The following LMTK2 variants were observed in gnomAD, a reference collection of about 807,000 sequenced individuals.
LMTK2 encodes serine/threonine-protein kinase LMTK2.
Under a neutral mutation model 127.5 loss-of-function variants are expected in LMTK2, and 37 were observed. The ratio of observed to expected loss-of-function variants is 0.29; its 90% CI spans 0.22 to 0.38. The LOEUF (loss-of-function observed/expected upper bound fraction) is 0.38. LMTK2 is among the 10% of genes least tolerant of loss of function. LMTK2 has a pLI of 1.00. For missense variants in LMTK2, 1,694 were observed against 1,920.3 expected (o/e 0.88, Z 2.20); for synonymous variants, 819 against 810.1 (o/e 1.01, Z -0.19).
In LMTK2 at chr7:98,137,414, G is replaced by A; in HGVS notation, c.203G>A (p.Cys68Tyr). 1 of 1,613,604 alleles carries A rather than the reference G, an allele frequency of 6.2e-7. No individual in the cohort carries two copies. The highest frequency in any genetic ancestry group is 8.5e-7 in the Non-Finnish European group (1 of 1,179,724). The part of the protein sequence containing the change: ...LIVLIANCVS[C>Y]CKDPEIDFKE... ...GTGTTAATTGCAAACTGTGTATCCT[G>A]CTGTAAGGACCCAGAAATAGACTTT... Residue 68 changes from cysteine (C) to tyrosine (Y), a missense_variant, in exon 2 of 14, where the codon TGC becomes TAC. By Grantham distance (194) the Cys-to-Tyr change is radical (BLOSUM62 -2). Transcript: ENST00000297293.
rs1462787056 is a variant in LMTK2 at position 98,140,163 on chromosome 7, T to G, written c.232-1234T>G. ...CTTTCTTTTCTTTTCTTTTCTTTTC[T>G]TTTCTTTTCTTTCTTTTCTTTCTTC... On this transcript the variant is annotated intron_variant, in intron 2 of 13. Coordinates refer to ENST00000297293, the MANE Select transcript of LMTK2 (RefSeq NM_014916.4). Among the ~76,000 whole-genome samples, 68 of 7,874 alleles carry G rather than the reference T, an allele frequency of 8.6e-3. 22 individuals carry two copies. The highest frequency in any genetic ancestry group is 0.03 in the African/African-American group (63 of 2,130). The allele number at this position is 7,874 out of a possible 152,430, so 5.2% of individuals were successfully genotyped here. A position where few individuals can be genotyped will look rare whatever the true frequency, so the allele number is the denominator to read the frequency against.
chr7:98,144,810 T>TC (rs987326251), intron 3 of LMTK2, among the ~76,000 whole-genome samples: 1 of 152,072 alleles, frequency 6.6e-6, no homozygotes, highest in Non-Finnish European at 1.5e-5. Flanking sequence ...TGCTTTTTTT[T>TC]CACTTACCAA....
chr7:98,112,388 G>A (rs1164989832), intron 1 of LMTK2, among the ~76,000 whole-genome samples: 2 of 152,208 alleles, frequency 1.3e-5, no homozygotes, highest in African/African-American at 4.8e-5. Flanking sequence ...GTAAAACGGA[G>A]AGAATAGTTA....
chr7:98,128,007 G>A (rs112191189), intron 1 of LMTK2, among the ~76,000 whole-genome samples: 16 of 152,084 alleles, frequency 1.1e-4, no homozygotes, highest in African/African-American at 2.2e-4. Context: ...AGCTGGGTGC[G>A]GTAGCAGGTG....
Position 98,186,986 on chromosome 7 carries a change from A to G in LMTK2, c.986A>G (p.Tyr329Cys), listed in dbSNP as rs986239697. The part of the protein sequence containing the change: ...DRLLTADQTK[Y>C]SNIWSLGVTL... Reference sequence around the variant, plus strand: ...CTGCTAACTGCAGATCAGACTAAGTATAGTAATATCTGGTACGTATTGGCT... The same window carrying G: ...CTGCTAACTGCAGATCAGACTAAGTGTAGTAATATCTGGTACGTATTGGCT... Residue 329 changes from tyrosine to cysteine, a missense_variant, in exon 9 of 14, where the codon TAT becomes TGT. Physicochemically the swap from Tyr to Cys is radical, Grantham distance 194. Coordinates refer to ENST00000297293, the MANE Select transcript of LMTK2 (RefSeq NM_014916.4). 6 of 1,612,952 alleles carry G rather than the reference A, an allele frequency of 3.7e-6. No individual in the cohort carries two copies. In the Admixed American group the frequency reaches 6.7e-5, roughly 18 times the overall value.
At chr7:98,199,239 A>G (rs1200397670) in intron 11 of LMTK2, among the ~76,000 whole-genome samples, 3 of 152,082 alleles carry the variant, frequency 2.0e-5, no homozygotes, top group Non-Finnish European at 4.4e-5. Flanking sequence ...TGTTGATGGT[A>G]TTAGTTCTTC....
Position 98,205,611 on chromosome 7 carries a change from A to C in LMTK2, c.*119A>C, listed in dbSNP as rs1797780673. 4.5e-6 allele frequency: 5 copies of C among 1,115,254 alleles called. No individual in the cohort carries two copies. The South Asian group carries it at 6.5e-5, about 15-fold the overall frequency. 69.1% of individuals were successfully genotyped at this position (1,115,254 alleles called of 1,614,324 possible). The stretch of plus-strand genomic sequence containing the variant: ...TGCTGACATGAGATTGGGAGGAAGA[A>C]TCCAGAGGTGAAGAGGGAGACGGCT... On this transcript the variant is annotated 3_prime_UTR_variant, in exon 14 of 14. Transcript: ENST00000297293.
Position 98,141,395 on chromosome 7 carries a change from A to G in LMTK2, c.232-2A>G. On this transcript the variant is annotated splice_acceptor_variant, in intron 2 of 13. Transcript: ENST00000297293. LOFTEE classifies it high-confidence loss of function. Reference sequence around the variant, plus strand: ...TTTAATGCTTGCTCTCTTTCATTTTAGGAATTTGAAGATAATTTTGATGAT... The same window carrying G: ...TTTAATGCTTGCTCTCTTTCATTTTGGGAATTTGAAGATAATTTTGATGAT... The G allele has an allele frequency of 6.2e-7, 1 of 1,612,786 alleles. No individual in the cohort carries two copies. The highest frequency in any genetic ancestry group is 2.2e-5 in the East Asian group (1 of 44,860).
At position 98,207,047 on chromosome 7, in the gene LMTK2, C is replaced by G. The variant is rs59826024; in HGVS notation, c.*1555C>G. 8,570 of 152,218 alleles carry G rather than the reference C, an allele frequency of 0.056. 601 individuals are homozygous for G. The highest frequency in any genetic ancestry group is 0.33 in the East Asian group (1,703 of 5,130). The allele number at this position is 152,218 out of a possible 1,614,324, so 9.4% of individuals were successfully genotyped here. ...ACGAGCCCCTGTGGTCATGGGCGAC[C>G]TCACACCTCCCTCCCTGAGTTCTGC... On this transcript the variant is annotated 3_prime_UTR_variant, in exon 14 of 14. Transcript: ENST00000297293.
In LMTK2 at chr7:98,204,182, G is replaced by C; in HGVS notation, c.4479G>C (p.Gln1493His). Residue 1493 changes from glutamine (Q) to histidine (H), a missense_variant, in exon 13 of 14, where the codon CAG becomes CAC. Physicochemically the swap from Gln to His is conservative, Grantham distance 24. This residue lies in a region of LMTK2 where 554 missense variants were observed against 567.7 expected (regional missense o/e 0.98). Coordinates refer to ENST00000297293, the MANE Select transcript of LMTK2 (RefSeq NM_014916.4). ...ACCTGACCGACTCGGACATCGAGCAGGGCGGTGAGAGGCGCTGCGTGCTGG... is the reference window on the plus strand; with the variant it reads ...ACCTGACCGACTCGGACATCGAGCACGGCGGTGAGAGGCGCTGCGTGCTGG... ...LTHLTDSDIE[Q>H]GGSSEDGEKD 1 of 1,605,970 alleles carries C rather than the reference G, an allele frequency of 6.2e-7. No homozygotes were observed. The highest frequency in any genetic ancestry group is 1.1e-5 in the South Asian group (1 of 91,074).
intron 1 of LMTK2, among the ~76,000 whole-genome samples, chr7:98,131,038 C>T (rs1361046070): frequency 6.6e-6 from 1 of 152,174 alleles, no homozygotes; most frequent in Admixed American, 6.5e-5. Flanking sequence ...ACAGCTTCCA[C>T]CCAGCCTGAA....
At chr7:98,124,074 G>A (rs531862663) in intron 1 of LMTK2, among the ~76,000 whole-genome samples, 1 of 152,126 alleles carries the variant, frequency 6.6e-6, no homozygotes, top group South Asian at 2.1e-4. Flanking sequence ...ATCTGTTTGG[G>A]TTGGGCACTG....
At chr7:98,128,716 A>T (rs1796478490) in intron 1 of LMTK2, among the ~76,000 whole-genome samples, 1 of 152,160 alleles carries the variant, frequency 6.6e-6, no homozygotes, top group Admixed American at 6.5e-5. Context: ...TCCCTGGGGA[A>T]GAGGCTGCCT....
chr7:98,168,380 G>A (rs1797134534), intron 6 of LMTK2, among the ~76,000 whole-genome samples: 1 of 152,234 alleles, frequency 6.6e-6, no homozygotes, highest in Non-Finnish European at 1.5e-5. Context: ...CTGCTGGGAG[G>A]GAAGCGAGGC....
chr7:98,160,928 G>A (rs529719698), intron 6 of LMTK2, among the ~76,000 whole-genome samples: 2 of 152,140 alleles, frequency 1.3e-5, no homozygotes. Flanking sequence ...TCTTTTGGTT[G>A]GAATTTGCCT....
At position 98,141,462 on chromosome 7, in the gene LMTK2, T is replaced by C. The variant is rs1229986425; in HGVS notation, c.297T>C (p.Val99=). 5.0e-6 allele frequency: 8 copies of C among 1,613,512 alleles called. No individual in the cohort carries two copies. The Middle Eastern group carries it at 5.0e-4, about 100-fold the overall frequency. ...CACCAGCAGAAGACACTCCCTCTGTTCAGTCCCCAGCAGAGGTCTTCACAC... is the reference window on the plus strand; with the variant it reads ...CACCAGCAGAAGACACTCCCTCTGTCCAGTCCCCAGCAGAGGTCTTCACAC... ...FTPPAEDTPS[V]QSPAEVFTLS... Residue 99 remains valine (V), a synonymous_variant, in exon 3 of 14, where the codon GTT becomes GTC. Coordinates refer to ENST00000297293, the MANE Select transcript of LMTK2 (RefSeq NM_014916.4).
intron 3 of LMTK2, among the ~76,000 whole-genome samples, chr7:98,142,392 ATATATT>A (rs995188037): frequency 1.4e-4 from 22 of 152,294 alleles, no homozygotes; most frequent in African/African-American, 3.6e-4. Context: ...TAAAGTAAGA[ATATATT>A]TAAATTTATA....
chr7:98,121,106 G>C (rs1047859548), intron 1 of LMTK2, among the ~76,000 whole-genome samples: 1 of 152,134 alleles, frequency 6.6e-6, no homozygotes, highest in African/African-American at 2.4e-5. Context: ...GGGCAGGTCC[G>C]ATTCAAGAGT....
chr7:98,195,208 G>A (rs557711715), intron 11 of LMTK2, among the ~76,000 whole-genome samples: 3 of 152,272 alleles, frequency 2.0e-5, no homozygotes, highest in Non-Finnish European at 4.4e-5. Context: ...CTGACAATTG[G>A]CAGTAGGACC....
Sources: allele counts gnomAD v4.1 joint callset (sites outside exome capture counted in the v4.1 genomes callset), GRCh38; gene constraint gnomAD v4.1.1; regional missense constraint gnomAD v4.1.1; transcripts MANE v1.5; gene names NCBI Gene and HGNC (gene_info 2026-07-23, HGNC 2026-07-21).